GLP2R: variants seen among roughly 807,000 people sequenced by gnomAD.
GLP2R encodes the protein glucagon like peptide 2 receptor, also known as glucagon-like peptide 2 receptor.
A neutral mutation model predicts 68.2 loss-of-function variants in GLP2R; 59 were observed. The ratio of observed to expected loss-of-function variants is 0.87; its 90% confidence interval spans 0.70 to 1.07. The LOEUF is 1.07. Ranked by LOEUF, GLP2R falls within the 50% of genes least tolerant of loss-of-function variation. The pLI, the probability that GLP2R is intolerant of heterozygous loss-of-function variation, is 0.00. For synonymous variants in GLP2R, 270 were observed against 265.4 expected, an observed-to-expected ratio of 1.02 and a Z score of -0.17; for missense variants, 548 against 677.4, an observed-to-expected ratio of 0.81 and a Z score of 2.12.
chr17:9,873,556 CTTTTTTTTTTTT>C (rs3073988), intron 10 of GLP2R, among the ~76,000 whole-genome samples: 1 of 52,076 alleles, frequency 1.9e-5, no homozygotes, highest in Non-Finnish European at 3.4e-5. Flanking sequence ...TATGCATGGA[CTTTTTTTTTTTT>C]TTTTTTTTTT....
chr17:9,842,194 T>G (rs990273947), intron 3 of GLP2R, among the ~76,000 whole-genome samples: 4 of 152,172 alleles, frequency 2.6e-5, no homozygotes, highest in African/African-American at 9.7e-5. Context: ...GAGCCCAGAT[T>G]GGCATCTCCC....
intron 4 of GLP2R, among the ~76,000 whole-genome samples, chr17:9,845,939 A>G (rs1224662608): frequency 1.3e-5 from 2 of 152,178 alleles, no homozygotes; most frequent in East Asian, 3.8e-4. Flanking sequence ...AGTTATTTAC[A>G]TATCCTTTTA....
At chr17:9,853,749 C>T (rs892619259) in intron 4 of GLP2R, among the ~76,000 whole-genome samples, 6 of 152,116 alleles carry the variant, frequency 3.9e-5, no homozygotes, top group Non-Finnish European at 5.9e-5. Context: ...AGAAAAACCT[C>T]GGACCTATTT....
intron 9 of GLP2R, among the ~76,000 whole-genome samples, chr17:9,864,480 CTGTTTTTT>C (rs985120978): frequency 1.8e-4 from 21 of 117,958 alleles, no homozygotes; most frequent in African/African-American, 3.7e-4. Flanking sequence ...GTAGTTTTTT[CTGTTTTTT>C]TGTTTGTTTG....
chr17:9,843,911 G>T (rs1030741720), intron 4 of GLP2R, among the ~76,000 whole-genome samples: 3 of 54,510 alleles, frequency 5.5e-5, no homozygotes, highest in African/African-American at 2.8e-4. Context: ...CCTCCAGGGA[G>T]CTCAGAGTCT....
chr17:9,863,403 G>A (rs1169426430), intron 9 of GLP2R, among the ~76,000 whole-genome samples: 1 of 152,214 alleles, frequency 6.6e-6, no homozygotes, highest in Admixed American at 6.5e-5. Flanking sequence ...AGCACACTGA[G>A]ATGAGAAATT....
At position 9,853,079 on chromosome 17, in the gene GLP2R, C is replaced by T. The variant is rs1197528713; in HGVS notation, c.505-1416C>T. On this transcript the variant is annotated intron_variant, in intron 4 of 12. Coordinates refer to ENST00000262441, the MANE Select transcript of GLP2R (RefSeq NM_004246.3). ...TTGGCTGTACAGACATTTTCAAAGTCGCCAGTGTTACTTTAATTGGACTGC... is the reference window on the plus strand; with the variant it reads ...TTGGCTGTACAGACATTTTCAAAGTTGCCAGTGTTACTTTAATTGGACTGC... 1.9e-5 allele frequency: 10 copies of T among 531,888 alleles called. 1 individual carries two copies. The highest frequency in any genetic ancestry group is 3.4e-5 in the South Asian group (2 of 58,212). 32.9% of individuals were successfully genotyped at this position (531,888 alleles called of 1,614,324 possible).
intron 9 of GLP2R, chr17:9,866,088 A>G: frequency 8.7e-6 from 3 of 343,614 alleles, no homozygotes; most frequent in South Asian, 7.0e-5. Context: ...CAGAGAGTGG[A>G]ATTTATGTGT....
chr17:9,843,957 T>C (rs2066812519), intron 4 of GLP2R, among the ~76,000 whole-genome samples: 1 of 152,064 alleles, frequency 6.6e-6, no homozygotes, highest in Non-Finnish European at 1.5e-5. Context: ...GTGTGATCGT[T>C]GCTGGGAGGG....
intron 10 of GLP2R, among the ~76,000 whole-genome samples, chr17:9,878,230 C>T (rs1947390632): frequency 6.6e-6 from 1 of 152,184 alleles, no homozygotes; most frequent in Admixed American, 6.5e-5. Context: ...CCAACGATTG[C>T]CATGCAAGAA....
intron 3 of GLP2R, among the ~76,000 whole-genome samples, chr17:9,840,711 G>A (rs534360413): frequency 6.6e-6 from 1 of 152,284 alleles, no homozygotes; most frequent in Admixed American, 6.5e-5. Context: ...TGTAAACTGG[G>A]TAGTTAAGGA....
At chr17:9,877,062 T>C (rs2067147633) in intron 10 of GLP2R, among the ~76,000 whole-genome samples, 1 of 152,230 alleles carries the variant, frequency 6.6e-6, no homozygotes, top group Admixed American at 6.5e-5. Flanking sequence ...ATAGCACTAA[T>C]AATTGGCAAC....
chr17:9,874,850 G>C (rs1401537655), intron 10 of GLP2R, among the ~76,000 whole-genome samples: 1 of 152,156 alleles, frequency 6.6e-6, no homozygotes, highest in Non-Finnish European at 1.5e-5. Context: ...GCTGTTGAAG[G>C]ATGCTGAGGT....
Position 9,857,574 on chromosome 17 carries a change from G to A in GLP2R, c.763G>A (p.Glu255Lys). ...GAATGGGTGGATGTCCTACCTGTCA[G>A]AGGTAATCCCCTTCCCCACTGTTTA... ...NENGWMSYLS[E>K]MSTSCRSVQV... The change falls in exon 6 of 13, where the codon GAG becomes AAG. Residue 255 changes from glutamate to lysine, a missense_variant and splice_region_variant. Transcript: ENST00000262441. 1.9e-6 allele frequency: 3 copies of A among 1,614,118 alleles called. No individual in the cohort carries two copies. The highest frequency in any genetic ancestry group is 2.2e-5 in the South Asian group (2 of 91,072).
At chr17:9,833,030 A>C (rs2066694574) in intron 1 of GLP2R, among the ~76,000 whole-genome samples, 1 of 152,132 alleles carries the variant, frequency 6.6e-6, no homozygotes, top group Non-Finnish European at 1.5e-5. Context: ...TGGGAAGCTG[A>C]GGTGGGCAGA....
At chr17:9,854,663 G>A in intron 5 of GLP2R, 62 bp downstream of exon 5, 1 of 933,598 alleles carries the variant, frequency 1.1e-6, no homozygotes, top group Non-Finnish European at 1.8e-6. Flanking sequence ...TCATCTACAG[G>A]GGATATGTTC....
In GLP2R at chr17:9,836,460, C is replaced by T. The variant is rs1384619512; in HGVS notation, c.367C>T (p.Pro123Ser). The T allele has an allele frequency of 1.9e-6, 3 of 1,600,936 alleles. No individual in the cohort carries two copies. Among genetic ancestry groups the T allele is most frequent in the Non-Finnish European group, 2.6e-6 (3 of 1,168,056 alleles). Residue 123 changes from proline to serine, a missense_variant, in exon 3 of 13, where the codon CCT (proline) becomes TCT (serine). Pro to Ser is a moderately conservative substitution (Grantham distance 74). Transcript: ENST00000262441. ...NVSVPCPSYLPWWSEESSGRA... is the reference protein window; with the variant it reads ...NVSVPCPSYLSWWSEESSGRA... ...CTCTGTACCCTGCCCTTCATACTTACCTTGGTGGAGTGAAGGTAATAAGTC... is the reference window on the plus strand; with the variant it reads ...CTCTGTACCCTGCCCTTCATACTTATCTTGGTGGAGTGAAGGTAATAAGTC...
chr17:9,882,151 A>C (rs1439580740), intron 11 of GLP2R, among the ~76,000 whole-genome samples: 6 of 152,192 alleles, frequency 3.9e-5, no homozygotes, highest in African/African-American at 4.8e-5. Context: ...TTGTTCTCTA[A>C]TCCCTGCTCC....
intron 1 of GLP2R, among the ~76,000 whole-genome samples, chr17:9,829,267 C>G: frequency 6.6e-6 from 1 of 151,810 alleles, no homozygotes; most frequent in East Asian, 1.9e-4. Flanking sequence ...AAGTACATTG[C>G]GGCCCTTTTA....
Sources: gnomAD v4.1 joint callset for allele counts (sites outside exome capture counted in the v4.1 genomes callset) on GRCh38, gnomAD v4.1.1 for gene constraint, MANE v1.5 for transcripts, NCBI Gene and HGNC (gene_info 2026-07-23, HGNC 2026-07-21) for gene names.